The following PDE10A variants were observed in gnomAD, a reference collection of about 807,000 sequenced individuals.
PDE10A encodes cAMP and cAMP-inhibited cGMP 3',5'-cyclic phosphodiesterase 10A.
Under a neutral mutation model 97.7 loss-of-function variants are expected in PDE10A, and 39 were observed. That is an observed-to-expected ratio of 0.40 (90% CI 0.31 to 0.52). The LOEUF is 0.52. Ranked by LOEUF, PDE10A falls within the 20% of genes least tolerant of loss-of-function variation. The pLI, the probability that PDE10A is intolerant of heterozygous loss-of-function variation, is 0.56. For missense variants in PDE10A, 731 were observed against 1,047.8 expected, an observed-to-expected ratio of 0.70 and a Z score of 4.17; for synonymous variants, 371 against 376.8, an observed-to-expected ratio of 0.98 and a Z score of 0.18.
chr6:165,758,545 GGAA>G (rs111557580), intron 1 of PDE10A, among the ~76,000 whole-genome samples: 4,532 of 114,726 alleles, frequency 0.04, 92 homozygotes, highest in African/African-American at 0.062. Flanking sequence ...AAGAGGAAGA[GGAA>G]GAAGAAGAGG....
chr6:165,762,969 C>G (rs1020774911), intron 1 of PDE10A, among the ~76,000 whole-genome samples: 1 of 152,138 alleles, frequency 6.6e-6, no homozygotes, highest in African/African-American at 2.4e-5. Context: ...TACTTAACAA[C>G]TTTCAAAAGC....
At chr6:165,794,271 A>G (rs899691718) in intron 1 of PDE10A, among the ~76,000 whole-genome samples, 1 of 149,810 alleles carries the variant, frequency 6.7e-6, no homozygotes, top group African/African-American at 2.5e-5. Flanking sequence ...ATACACACTC[A>G]TCACACACTT....
chr6:165,896,111 G>A (rs755057757), intron 1 of PDE10A, among the ~76,000 whole-genome samples: 2 of 152,126 alleles, frequency 1.3e-5, no homozygotes, highest in Non-Finnish European at 2.9e-5. Context: ...AAGGAACTGG[G>A]CTTTGATAAC....
intron 18 of PDE10A, among the ~76,000 whole-genome samples, chr6:165,350,026 G>A (rs576685374): frequency 4.7e-4 from 72 of 152,340 alleles, no homozygotes; most frequent in Non-Finnish European, 8.1e-4. Flanking sequence ...GGGAAATGTG[G>A]AGTCAGAGCA....
At chr6:165,703,092 C>T (rs555647303) in intron 1 of PDE10A, among the ~76,000 whole-genome samples, 2 of 152,306 alleles carry the variant, frequency 1.3e-5, no homozygotes, top group East Asian at 3.9e-4. Flanking sequence ...CCTTTGGAGA[C>T]GTGGAGGCTG....
chr6:165,451,787 G>A (rs1791311325), intron 3 of PDE10A, among the ~76,000 whole-genome samples: 1 of 152,182 alleles, frequency 6.6e-6, no homozygotes, highest in South Asian at 2.1e-4. Flanking sequence ...CCCTAGAACA[G>A]TGGAACAAAC....
At chr6:165,528,269 G>C (rs1336703654) in intron 2 of PDE10A, among the ~76,000 whole-genome samples, 1 of 152,230 alleles carries the variant, frequency 6.6e-6, no homozygotes, top group Non-Finnish European at 1.5e-5. Flanking sequence ...AGCAGAGGAG[G>C]AGTTTAGTAA....
intron 1 of PDE10A, among the ~76,000 whole-genome samples, chr6:165,647,352 C>T (rs1454505782): frequency 1.3e-5 from 2 of 152,182 alleles, no homozygotes; most frequent in East Asian, 3.9e-4. Context: ...GCAGGAGACC[C>T]AACAGCATCG....
intron 10 of PDE10A, among the ~76,000 whole-genome samples, chr6:165,427,251 G>A (rs1161167100): frequency 6.6e-6 from 1 of 152,086 alleles, no homozygotes; most frequent in Non-Finnish European, 1.5e-5. Flanking sequence ...TTAAAATCTG[G>A]TACGTATATC....
In PDE10A at chr6:165,661,822, C is replaced by T; in HGVS notation, c.865+125G>A. ...CCCCTCCAGAGAAGCCCCCTGGGCGCTCCACGCCCGGGCACGGGCACCTCG... is the reference window on the plus strand; with the variant it reads ...CCCCTCCAGAGAAGCCCCCTGGGCGTTCCACGCCCGGGCACGGGCACCTCG... On this transcript the variant is annotated intron_variant, in intron 1 of 21. Transcript: ENST00000539869. The surrounding 1 kb of genome is among the most constrained non-coding windows in gnomAD (Gnocchi z 4.8). 1.7e-6 allele frequency: 1 copy of T among 573,286 alleles called. No individual in the cohort carries two copies. The allele number at this position is 573,286 out of a possible 1,614,324, so 35.5% of individuals were successfully genotyped here. A position where few individuals can be genotyped will look rare whatever the true frequency, so the allele number is the denominator to read the frequency against.
rs777668906 is a variant in PDE10A, at chr6:165,418,751, G to A, written c.1680C>T (p.Ala560=). The A allele has an allele frequency of 1.4e-5, 22 of 1,613,388 alleles. No individual in the cohort carries two copies. Among genetic ancestry groups the A allele is most frequent in the Admixed American group, 5.0e-5 (3 of 59,992 alleles). Residue 560 remains alanine (A), a synonymous_variant, in exon 11 of 22, where the codon GCC becomes GCT. Coordinates refer to ENST00000539869, the MANE Select transcript of PDE10A (RefSeq NM_001385079.1). The surrounding 1 kb of genome is among the most constrained non-coding windows in gnomAD (Gnocchi z 4.8). ...CCACCTGGAAAAGCGCACAACGATC[G>A]GCATTCACCAGGTTTTTTGCATATA... ...IMIYAKNLVN[A]DRCALFQVDH...
At chr6:165,450,174 GT>G in intron 4 of PDE10A, 67 bp downstream of exon 4, 1 of 1,163,402 alleles carries the variant, frequency 8.6e-7, no homozygotes. Flanking sequence ...TTAGTAAGTA[GT>G]TTTTGCTGCT....
In PDE10A at chr6:165,958,725, A is replaced by AAGAG. The variant is rs1246973984; in HGVS notation, c.-615+28803_-615+28804insCTCT. Among the ~76,000 whole-genome samples the AAGAG allele has an allele frequency of 4.7e-3, 58 of 12,440 alleles. 1 individual carries two copies. The highest frequency in any genetic ancestry group is 5.4e-4 in the Non-Finnish European group (4 of 7,342). 8.2% of individuals were successfully genotyped at this position (12,440 alleles called of 152,430 possible). ...GAAAGAAAGAAAGAGAGAAGAAAGAAAGAAAGAAAGAAAGAAAGAAAGAGA... is the reference window on the plus strand; with the variant it reads ...GAAAGAAAGAAAGAGAGAAGAAAGAAAGAGAGAAAGAAAGAAAGAAAGAAAGAGA... On this transcript the variant is annotated intron_variant, in intron 1 of 19. Coordinates refer to the PDE10A transcript ENST00000366882.
rs191170658 is a variant in PDE10A, at chr6:165,712,753, C to T, written c.-614-169185G>A. ...CTCCCGGGTTCACGCCATTCTGCTG[C>T]CTCAGCCTCCGGAGCATCTGGGACT... On this transcript the variant is annotated intron_variant, in intron 1 of 19. Transcript: ENST00000366882. 3.5e-3 allele frequency among the ~76,000 whole-genome samples: 529 copies of T among 151,244 alleles called. 1 individual carries two copies. The highest frequency in any genetic ancestry group is 6.1e-3 in the Non-Finnish European group (416 of 67,914).
chr6:165,630,607 A>G (rs1788584996), intron 1 of PDE10A, among the ~76,000 whole-genome samples: 1 of 152,156 alleles, frequency 6.6e-6, no homozygotes, highest in South Asian at 2.1e-4. Flanking sequence ...CTTACTCAGC[A>G]TTGTTTACTT....
chr6:165,697,781 G>C (rs1469516468), intron 1 of PDE10A, among the ~76,000 whole-genome samples: 1 of 152,192 alleles, frequency 6.6e-6, no homozygotes, highest in Non-Finnish European at 1.5e-5. Context: ...GGAGATGGAT[G>C]ATGGTGATGG....
At chr6:165,945,936 CA>C (rs1783751194) in intron 1 of PDE10A, among the ~76,000 whole-genome samples, 1 of 152,150 alleles carries the variant, frequency 6.6e-6, no homozygotes, top group African/African-American at 2.4e-5. Context: ...GCCATGCAGC[CA>C]TAATGTGCTA....
At chr6:165,493,734 T>C (rs1048556374) in intron 2 of PDE10A, among the ~76,000 whole-genome samples, 5 of 152,028 alleles carry the variant, frequency 3.3e-5, no homozygotes, top group South Asian at 2.1e-4. Context: ...GAAGATAACA[T>C]TGGAAAAACC....
At chr6:165,487,848 G>A (rs925148038) in intron 2 of PDE10A, among the ~76,000 whole-genome samples, 1 of 152,068 alleles carries the variant, frequency 6.6e-6, no homozygotes, top group Non-Finnish European at 1.5e-5. Flanking sequence ...AGAACACATG[G>A]TGTAGAATGT....
Sources: gnomAD v4.1 joint callset for allele counts (sites outside exome capture counted in the v4.1 genomes callset) on GRCh38, gnomAD v4.1.1 for gene constraint, Gnocchi (gnomAD v3.1) non-coding constraint, MANE v1.5 for transcripts, NCBI Gene and HGNC (gene_info 2026-07-23, HGNC 2026-07-21) for gene names.